The following BLTP3A variants were observed in gnomAD, a reference collection of about 807,000 sequenced individuals.
BLTP3A encodes the protein ICBP90 binding protein 1.
chr6:34,867,579 C>T, the BLTP3A span: 35 of 1,613,490 alleles, frequency 2.2e-5, no homozygotes, highest in Non-Finnish European at 2.7e-5. Context: ...AGCTGGGCAC[C>T]GTGGGACTCT....
chr6:34,838,931 C>CA, the BLTP3A span, among the ~76,000 whole-genome samples: 3 of 152,066 alleles, frequency 2.0e-5, no homozygotes, highest in African/African-American at 7.2e-5. Context: ...ACCCAATCTC[C>CA]AAAAAGAAAT....
At chr6:34,823,356 T>G in the BLTP3A span, 180 of 1,609,590 alleles carry the variant, frequency 1.1e-4, no homozygotes, top group Non-Finnish European at 1.5e-4. Context: ...GAGGTTAGTT[T>G]CTTTGAACCC....
At chr6:34,830,685 C>T in the BLTP3A span, among the ~76,000 whole-genome samples, 3 of 152,096 alleles carry the variant, frequency 2.0e-5, no homozygotes, top group African/African-American at 7.2e-5. Context: ...AATAGTGCTG[C>T]TATGAACCTT....
At chr6:34,865,492 TGTA>T in the BLTP3A span, among the ~76,000 whole-genome samples, 6 of 152,250 alleles carry the variant, frequency 3.9e-5, no homozygotes, top group Non-Finnish European at 7.3e-5. Context: ...TGAATAATGT[TGTA>T]GTAAACACAG....
the BLTP3A span, among the ~76,000 whole-genome samples, chr6:34,852,943 G>T: frequency 6.6e-6 from 1 of 152,138 alleles, no homozygotes; most frequent in Non-Finnish European, 1.5e-5. Context: ...TGCTGTGACA[G>T]CACTGAGTTC....
At chr6:34,867,382 C>A in the BLTP3A span, 1 of 1,613,906 alleles carries the variant, frequency 6.2e-7, no homozygotes, top group South Asian at 1.1e-5. Context: ...TTCACCCGGT[C>A]AGCAGCTCTA....
At chr6:34,876,489 T>A in the BLTP3A span, 1 of 152,234 alleles carries the variant, frequency 6.6e-6, no homozygotes, top group Non-Finnish European at 1.5e-5. Context: ...GGGAACTTTT[T>A]ATTCCAACCC....
At chr6:34,825,167 T>C in the BLTP3A span, among the ~76,000 whole-genome samples, 3 of 152,230 alleles carry the variant, frequency 2.0e-5, no homozygotes, top group Non-Finnish European at 4.4e-5. Flanking sequence ...GATTGTATCA[T>C]CAAGGTATCA....
the BLTP3A span, chr6:34,856,876 C>A: frequency 6.2e-7 from 1 of 1,614,194 alleles, no homozygotes; most frequent in Non-Finnish European, 8.5e-7. Flanking sequence ...AGCATGGAAC[C>A]GCTTACGCTC....
chr6:34,855,110 T>C, the BLTP3A span, among the ~76,000 whole-genome samples: 1 of 152,376 alleles, frequency 6.6e-6, no homozygotes, highest in African/African-American at 2.4e-5. Flanking sequence ...GTAGTGTTTT[T>C]AGCATTCTAT....
chr6:34,801,832 G>A, the BLTP3A span, among the ~76,000 whole-genome samples: 7 of 151,984 alleles, frequency 4.6e-5, no homozygotes, highest in Non-Finnish European at 1.0e-4. Context: ...TCCGCCTCCC[G>A]GTTCACGCCA....
chr6:34,800,797 G>A, the BLTP3A span, among the ~76,000 whole-genome samples: 2 of 149,726 alleles, frequency 1.3e-5, no homozygotes, highest in Non-Finnish European at 3.0e-5. Context: ...GTGTGATCTC[G>A]GCTCACTGCC....
chr6:34,797,430 G>A, the BLTP3A span, among the ~76,000 whole-genome samples: 1 of 152,154 alleles, frequency 6.6e-6, no homozygotes, highest in Non-Finnish European at 1.5e-5. Context: ...TCATCTTGAT[G>A]AACACTGAGG....
the BLTP3A span, among the ~76,000 whole-genome samples, chr6:34,840,024 A>G: frequency 6.6e-6 from 1 of 152,236 alleles, no homozygotes; most frequent in Non-Finnish European, 1.5e-5. Flanking sequence ...GTACAGGGCC[A>G]AGGGATGACC....
the BLTP3A span, among the ~76,000 whole-genome samples, chr6:34,802,748 G>A: frequency 6.6e-6 from 1 of 152,118 alleles, no homozygotes; most frequent in Non-Finnish European, 1.5e-5. Context: ...CAGTGGTGTT[G>A]GAGCACTTAA....
chr6:34,834,297 CCTTCCACGCTT>C, the BLTP3A span: 1 of 1,614,126 alleles, frequency 6.2e-7, no homozygotes, highest in East Asian at 2.2e-5. Context: ...CACTCCAAGG[CCTTCCACGCTT>C]CTTTTGAATT....
the BLTP3A span, chr6:34,835,181 C>T: frequency 1.7e-6 from 2 of 1,168,486 alleles, no homozygotes; most frequent in Non-Finnish European, 2.4e-6. Flanking sequence ...GTGCTTGATA[C>T]TTTCACATAT....
the BLTP3A span, among the ~76,000 whole-genome samples, chr6:34,828,223 T>TG: frequency 6.6e-6 from 1 of 151,698 alleles, no homozygotes; most frequent in African/African-American, 2.4e-5. Context: ...GAGGCTGAGG[T>TG]GGGCAGATCA....
chr6:34,821,717 AC>A, the BLTP3A span: 1 of 1,614,158 alleles, frequency 6.2e-7, no homozygotes, highest in East Asian at 2.2e-5. Context: ...GGGTCAGCTG[AC>A]CAACCTGGAG....
Sources: gnomAD v4.1 joint callset for allele counts (sites outside exome capture counted in the v4.1 genomes callset) on GRCh38, gnomAD v4.1.1 for gene constraint, MANE v1.5 for transcripts, NCBI Gene and HGNC (gene_info 2026-07-23, HGNC 2026-07-21) for gene names.